Variants in C12orf76 observed in about 807,000 individuals in gnomAD.
C12orf76 encodes the protein chromosome 12 open reading frame 76.
A neutral mutation model predicts 6.8 loss-of-function variants in C12orf76; 6 were observed. The observed-to-expected ratio is 0.88, with a 90% confidence interval of 0.48 to 1.73. The LOEUF is 1.73. C12orf76 is among the 40% of genes most tolerant of loss of function. The pLI is 0.01. For missense variants in C12orf76, 99 were observed against 98.2 expected (o/e 1.01, Z -0.03); for synonymous variants, 56 against 43.7 (o/e 1.28, Z -1.11).
intron 2 of C12orf76, among the ~76,000 whole-genome samples, chr12:110,064,625 G>A (rs1420874366): frequency 6.6e-6 from 1 of 152,150 alleles, no homozygotes; most frequent in East Asian, 1.9e-4. Flanking sequence ...CTGGGGTTTG[G>A]GGGGACAGCT....
At chr12:110,042,667 A>T in intron 1 of C12orf76, 1 of 676,784 alleles carries the variant, frequency 1.5e-6, no homozygotes, top group Non-Finnish European at 2.7e-6. Flanking sequence ...ATAGCTTGAT[A>T]TACCGTGAAA....
intron 2 of C12orf76, chr12:110,065,794 C>G: frequency 6.2e-7 from 1 of 1,614,040 alleles, no homozygotes; most frequent in African/African-American, 1.3e-5. Flanking sequence ...TCCCATGGCA[C>G]TGAAAATCAA....
At chr12:110,065,151 T>C (rs1315021167) in intron 2 of C12orf76, among the ~76,000 whole-genome samples, 1 of 151,694 alleles carries the variant, frequency 6.6e-6, no homozygotes, top group African/African-American at 2.4e-5. Flanking sequence ...TGTGTGTGTG[T>C]ATATGTGCAT....
upstream of C12orf76, among the ~76,000 whole-genome samples, chr12:110,069,579 C>G (rs528012581): frequency 2.0e-5 from 3 of 152,338 alleles, no homozygotes; most frequent in South Asian, 6.2e-4. Context: ...GAACAAGTTG[C>G]TGTTATTACA....
intron 2 of C12orf76, among the ~76,000 whole-genome samples, chr12:110,061,067 A>G (rs1270815894): frequency 7.0e-6 from 1 of 143,374 alleles, no homozygotes; most frequent in Admixed American, 7.2e-5. Context: ...TGTGGGGGAG[A>G]CCAGAGACTC....
chr12:110,068,466 A>C (rs1892921053), upstream of C12orf76, among the ~76,000 whole-genome samples: 1 of 152,122 alleles, frequency 6.6e-6, no homozygotes, highest in Admixed American at 6.6e-5. Context: ...TGATTCAATA[A>C]ATTCCCCTTT....
upstream of C12orf76, among the ~76,000 whole-genome samples, chr12:110,051,579 A>G (rs1163844233): frequency 6.6e-6 from 1 of 152,058 alleles, no homozygotes; most frequent in Non-Finnish European, 1.5e-5. Flanking sequence ...GGCGCACGCC[A>G]CCACACCAGG....
upstream of C12orf76, among the ~76,000 whole-genome samples, chr12:110,052,952 C>T (rs1188257996): frequency 6.6e-6 from 1 of 152,200 alleles, no homozygotes; most frequent in Admixed American, 6.5e-5. Context: ...CCTGTATTCC[C>T]AGCACTTTGG....
chr12:110,058,710 G>A (rs920216671), intron 3 of C12orf76, among the ~76,000 whole-genome samples: 2 of 152,140 alleles, frequency 1.3e-5, no homozygotes, highest in African/African-American at 4.8e-5. Context: ...CATTTTGTAG[G>A]CCATAGCTAT....
At chr12:110,048,274 C>T in intron 1 of C12orf76, 89 bp downstream of exon 1, 1 of 1,394,254 alleles carries the variant, frequency 7.2e-7, no homozygotes, top group South Asian at 1.5e-5. Flanking sequence ...ACTCTATCCC[C>T]TGTCCGCTCC....
chr12:110,054,418 T>C lies in C12orf76; in HGVS notation n.664+2771A>G, dbSNP rs1345304643. Among the ~76,000 whole-genome samples, 2 of 152,214 alleles carry C rather than the reference T, an allele frequency of 1.3e-5. No homozygotes were observed. ...ATTACATCGATGAACCTTGAAAACA[T>C]TATGTCTGCTACCTCAGAGAGGCTA... is the stretch of plus-strand genomic sequence containing the variant. On this transcript the variant is annotated intron_variant and non_coding_transcript_variant, in intron 4 of 4. Coordinates refer to the C12orf76 transcript ENST00000309050. The surrounding 1 kb of genome is among the most constrained non-coding windows in gnomAD (Gnocchi z 4.4).
upstream of C12orf76, among the ~76,000 whole-genome samples, chr12:110,068,280 G>GAAGAA (rs1555253409): frequency 1.4e-5 from 2 of 140,124 alleles, no homozygotes; most frequent in Non-Finnish European, 3.2e-5. Flanking sequence ...AGAAGAAGAA[G>GAAGAA]AAGAAGAAGA....
At chr12:110,069,294 G>A (rs558072103), upstream of C12orf76, among the ~76,000 whole-genome samples, 5 of 152,186 alleles carry the variant, frequency 3.3e-5, no homozygotes, top group African/African-American at 1.2e-4. Context: ...CAAAAAATTA[G>A]CGGGACATGG....
At chr12:110,072,998 G>T (rs541965929) in intron 1 of C12orf76, among the ~76,000 whole-genome samples, 1 of 151,948 alleles carries the variant, frequency 6.6e-6, no homozygotes, top group Non-Finnish European at 1.5e-5. Flanking sequence ...CAAAAGGCAG[G>T]TGTTGGTGAC....
Position 110,042,218 on chromosome 12 carries a change from A to G in C12orf76, c.*156T>C. The G allele has an allele frequency of 1.6e-6, 1 of 629,474 alleles. No homozygotes were observed. Among genetic ancestry groups the G allele is most frequent in the Non-Finnish European group, 2.9e-6 (1 of 346,810 alleles). The allele number at this position is 629,474 out of a possible 1,614,324, so 39.0% of individuals were successfully genotyped here. ...ACAGTGTTAGGAAAAAATAATGTCT[A>G]GTACATGTTTTCTTCTAATTCATTT... On this transcript the variant is annotated 3_prime_UTR_variant, in exon 2 of 2. Transcript: ENST00000615315.
chr12:110,046,863 G>A (rs562375000), intron 1 of C12orf76, among the ~76,000 whole-genome samples: 4 of 152,256 alleles, frequency 2.6e-5, no homozygotes, highest in Admixed American at 6.5e-5. Flanking sequence ...GGTATCTAAA[G>A]GCTGGGGATG....
Position 110,054,304 on chromosome 12 carries a change from T to A in C12orf76, n.664+2885A>T, listed in dbSNP as rs926052687. 6.6e-6 allele frequency among the ~76,000 whole-genome samples: 1 copy of A among 152,192 alleles called. No individual in the cohort carries two copies. Among genetic ancestry groups the A allele is most frequent in the African/African-American group, 2.4e-5 (1 of 41,452 alleles). Reference sequence around the variant, plus strand: ...TATTCACATAACCCAAATGTTCATCTATGGATGAATGGATAGGCAAAATGT... The same window carrying A: ...TATTCACATAACCCAAATGTTCATCAATGGATGAATGGATAGGCAAAATGT... On this transcript the variant is annotated intron_variant and non_coding_transcript_variant, in intron 4 of 4. Transcript: ENST00000309050. This position sits in a 1 kb window ranked among gnomAD's most constrained non-coding sequence, Gnocchi z 4.4.
chr12:110,060,233 A>G (rs1017717350), intron 2 of C12orf76, among the ~76,000 whole-genome samples: 1 of 150,394 alleles, frequency 6.6e-6, no homozygotes, highest in Admixed American at 6.6e-5. Flanking sequence ...TCTCCAAAAT[A>G]CCCCCTCTTC....
intron 1 of C12orf76, among the ~76,000 whole-genome samples, chr12:110,066,414 G>A (rs1293489772): frequency 2.1e-5 from 3 of 143,868 alleles, no homozygotes; most frequent in Non-Finnish European, 3.0e-5. Flanking sequence ...ACGGCTGGGC[G>A]CGGTGGCTCA....
Sources: gnomAD v4.1 joint callset for allele counts (sites outside exome capture counted in the v4.1 genomes callset) on GRCh38, gnomAD v4.1.1 for gene constraint, Gnocchi (gnomAD v3.1) non-coding constraint, MANE v1.5 for transcripts, NCBI Gene and HGNC (gene_info 2026-07-23, HGNC 2026-07-21) for gene names.